The following REPS2 variants were observed in gnomAD, a reference collection of about 807,000 sequenced individuals.
The protein encoded by REPS2 is RALBP1 associated Eps domain containing 2.
Under a neutral mutation model 53.6 loss-of-function variants are expected in REPS2, and 23 were observed. That is an observed-to-expected ratio of 0.43 (90% confidence interval 0.31 to 0.61). REPS2 has a LOEUF of 0.61. REPS2 is among the 20% of genes least tolerant of loss of function. REPS2 has a pLI of 0.11. For synonymous variants in REPS2, 238 were observed against 218.6 expected, an observed-to-expected ratio of 1.09 and a Z score of -0.78; for missense variants, 446 against 534.9, an observed-to-expected ratio of 0.83 and a Z score of 1.64.
chrX:17,050,472 G>A (rs140341098), intron 6 of REPS2, among the ~76,000 whole-genome samples: 212 of 108,904 alleles, frequency 1.9e-3, no homozygotes, highest in African/African-American at 6.8e-3. Context: ...ATAGTATTCA[G>A]TACAGGAACA....
At chrX:17,093,166 CTATATATATATATATATATATA>C (rs58530978) in intron 13 of REPS2, among the ~76,000 whole-genome samples, 2 of 39,122 alleles carry the variant, frequency 5.1e-5, no homozygotes, top group Non-Finnish European at 9.3e-5. Flanking sequence ...TGAGTTAATG[CTATATATATATATATATATATA>C]TATATATATA....
At position 17,133,862 on chromosome X, in the gene REPS2, G is replaced by A. The variant is rs751497853; in HGVS notation, c.1617G>A (p.Leu539=). ...QVSEAELLPQ[L]SRAPSQAAES... ...CGGAGGCCGAGTTACTCCCACAGCT[G>A]AGCAGAGCCCCATCCCAGGCTGCAG... Residue 539 remains leucine, a synonymous_variant, in exon 15 of 18, where the codon CTG becomes CTA. Coordinates refer to ENST00000357277, the MANE Select transcript of REPS2 (RefSeq NM_004726.3). 1.7e-6 allele frequency: 2 copies of A among 1,211,558 alleles called. No homozygotes were observed. Among genetic ancestry groups the A allele is most frequent in the South Asian group, 1.8e-5 (1 of 56,984 alleles).
rs746957117 is a variant in REPS2, at chrX:17,103,752, G to T, written c.1551G>T (p.Ala517=). The T allele has an allele frequency of 2.5e-6, 3 of 1,210,315 alleles. No individual in the cohort carries two copies. Among genetic ancestry groups the T allele is most frequent in the Non-Finnish European group, 2.2e-6 (2 of 894,711 alleles). Residue 517 remains alanine (A), a synonymous_variant, in exon 14 of 18, where the codon GCG becomes GCT. Coordinates refer to ENST00000357277, the MANE Select transcript of REPS2 (RefSeq NM_004726.3). ...CAGGATTGTTACCCCCACCACCTGC[G>T]CTCCCTCCAAGACCTTGTCCATCAC... The part of the protein sequence containing the change: ...TKSGLLPPPP[A]LPPRPCPSQS...
At chrX:17,134,029 G>C in intron 15 of REPS2, 122 bp downstream of exon 15, 1 of 542,735 alleles carries the variant, frequency 1.8e-6, no homozygotes, top group Middle Eastern at 4.3e-4. Flanking sequence ...CAATGATCCA[G>C]ATTTCCTAGA....
At chrX:16,983,878 G>A (rs2061055010) in intron 1 of REPS2, among the ~76,000 whole-genome samples, 1 of 112,619 alleles carries the variant, frequency 8.9e-6, no homozygotes, top group Admixed American at 9.4e-5. Flanking sequence ...TGGCTTATAA[G>A]TGGTGGGCCT....
At chrX:17,022,017 TG>T in intron 2 of REPS2, 105 bp from the exon 3 acceptor site, 1 of 701,289 alleles carries the variant, frequency 1.4e-6, no homozygotes, top group Non-Finnish European at 2.1e-6. Flanking sequence ...TTTAGTGCTC[TG>T]GAATTTTTCC....
intron 1 of REPS2, among the ~76,000 whole-genome samples, chrX:16,961,441 T>C (rs1187132714): frequency 1.8e-5 from 2 of 112,151 alleles, no homozygotes; most frequent in Non-Finnish European, 3.8e-5. Flanking sequence ...TGGATGCTTA[T>C]ATACAAAAAT....
chrX:17,079,202 C>T (rs1216536497), intron 13 of REPS2, among the ~76,000 whole-genome samples: 1 of 112,049 alleles, frequency 8.9e-6, no homozygotes, highest in African/African-American at 3.2e-5. Context: ...GGATACTCAA[C>T]CTGTAGTACT....
At chrX:17,032,947 T>C (rs938169409) in intron 5 of REPS2, among the ~76,000 whole-genome samples, 1 of 112,600 alleles carries the variant, frequency 8.9e-6, no homozygotes, top group South Asian at 3.6e-4. Flanking sequence ...AGATGATTGA[T>C]AGTGCTTTGT....
intron 1 of REPS2, among the ~76,000 whole-genome samples, chrX:16,986,951 C>T (rs2061099223): frequency 9.4e-6 from 1 of 106,476 alleles, no homozygotes; most frequent in Non-Finnish European, 1.9e-5. Context: ...GCTGTGTCAC[C>T]CAGGCTAGAA....
the REPS2 span, among the ~76,000 whole-genome samples, chrX:17,168,973 T>A: frequency 8.9e-6 from 1 of 112,285 alleles, no homozygotes; most frequent in Non-Finnish European, 1.9e-5. Context: ...CTCAGGTAGC[T>A]CAGTACCATT....
At chrX:16,950,562 C>T (rs2060494286) in intron 1 of REPS2, among the ~76,000 whole-genome samples, 1 of 112,410 alleles carries the variant, frequency 8.9e-6, no homozygotes, top group African/African-American at 3.2e-5. Context: ...CTTATTTTAA[C>T]AGCAGGATTC....
At chrX:16,977,884 A>C (rs2060975455) in intron 1 of REPS2, among the ~76,000 whole-genome samples, 1 of 111,226 alleles carries the variant, frequency 9.0e-6, no homozygotes, top group Non-Finnish European at 1.9e-5. Flanking sequence ...TTTCTGCTCC[A>C]GATGGCATTG....
At chrX:17,156,098 AC>A (rs2063612446), downstream of REPS2, among the ~76,000 whole-genome samples, 1 of 111,731 alleles carries the variant, frequency 9.0e-6, no homozygotes, top group Non-Finnish European at 1.9e-5. Context: ...ACTTCAAAGA[AC>A]CCTGCCGTAT....
downstream of REPS2, among the ~76,000 whole-genome samples, chrX:17,158,233 T>A (rs1238104640): frequency 8.9e-6 from 1 of 111,951 alleles, no homozygotes; most frequent in Non-Finnish European, 1.9e-5. Flanking sequence ...TACAAGTAAT[T>A]AAGACAGTGT....
chrX:17,115,375 C>T (rs1311370357), intron 14 of REPS2, among the ~76,000 whole-genome samples: 2 of 111,836 alleles, frequency 1.8e-5, no homozygotes, highest in Middle Eastern at 4.7e-3. Context: ...TATTGTTGCC[C>T]GCATGTCCCA....
At chrX:17,075,720 A>C (rs1405851220) in intron 12 of REPS2, among the ~76,000 whole-genome samples, 1 of 112,641 alleles carries the variant, frequency 8.9e-6, no homozygotes, top group African/African-American at 3.2e-5. Flanking sequence ...ATATATGAAA[A>C]TAAAATGAAA....
At chrX:17,005,390 G>A (rs1311794115) in intron 1 of REPS2, among the ~76,000 whole-genome samples, 1 of 111,560 alleles carries the variant, frequency 9.0e-6, no homozygotes, top group East Asian at 2.8e-4. Flanking sequence ...ATAGGATATT[G>A]AACCCTCATG....
chrX:17,079,917 A>G (rs1446721161), intron 13 of REPS2, among the ~76,000 whole-genome samples: 1 of 112,487 alleles, frequency 8.9e-6, no homozygotes, highest in Non-Finnish European at 1.9e-5. Context: ...GCATATTGCT[A>G]GAAATTATCG....
Sources: allele counts gnomAD v4.1 joint callset (sites outside exome capture counted in the v4.1 genomes callset), GRCh38; gene constraint gnomAD v4.1.1; transcripts MANE v1.5; gene names NCBI Gene and HGNC (gene_info 2026-07-23, HGNC 2026-07-21).